Variants in ENO1 observed in about 807,000 individuals in gnomAD.
ENO1 encodes the protein enolase 1, also known as alpha-enolase.
In ENO1, 33 loss-of-function variants were observed where a neutral mutation model predicts 46.3. The observed-to-expected ratio is 0.71, with a 90% confidence interval of 0.54 to 0.95. The LOEUF is 0.95. Among genes scored for constraint, ENO1 ranks in the 40% least tolerant of loss-of-function variants. The pLI, the probability that ENO1 is intolerant of heterozygous loss-of-function variation, is 0.00. For missense variants in ENO1, 488 were observed against 553.3 expected (o/e 0.88, Z 1.18); for synonymous variants, 220 against 216.0 (o/e 1.02, Z -0.16).
chr1:8,865,908 T>C, intron 7 of ENO1: 1 of 327,432 alleles, frequency 3.1e-6, no homozygotes, highest in Non-Finnish European at 5.8e-6. Context: ...CGTTGAGAGC[T>C]CAGGCTCAGG....
intron 9 of ENO1, among the ~76,000 whole-genome samples, chr1:8,863,678 G>C (rs1642451327): frequency 6.6e-6 from 1 of 152,200 alleles, no homozygotes; most frequent in African/African-American, 2.4e-5. Context: ...CCGAGCTCAA[G>C]TGATCCTCCT....
chr1:8,872,801 A>G (rs571933141), intron 2 of ENO1, among the ~76,000 whole-genome samples: 2 of 152,334 alleles, frequency 1.3e-5, no homozygotes, highest in South Asian at 2.1e-4. Context: ...TTCTATGCCC[A>G]ACTGGAAACT....
Position 8,874,899 on chromosome 1 carries a change from G to A in ENO1, c.10C>T (p.Leu4Phe), listed in dbSNP as rs1642705075. The A allele has an allele frequency of 1.9e-6, 3 of 1,613,620 alleles. No individual in the cohort carries two copies. The highest frequency in any genetic ancestry group is 2.5e-6 in the Non-Finnish European group (3 of 1,179,776). ...AAGATCTCCCTGGCATGGATCTTGA[G>A]AATAGACATGGTGAACTTCTGTAGA... MSILKIHAREIFDS... is the reference protein window; with the variant it reads MSIFKIHAREIFDS... The change falls in exon 2 of 12, where the codon CTC (leucine) becomes TTC (phenylalanine). Residue 4 changes from leucine to phenylalanine, a missense_variant. Leu to Phe is a conservative substitution (Grantham distance 22, BLOSUM62 0). Transcript: ENST00000234590.
At chr1:8,865,960 C>T (rs1049015134) in intron 7 of ENO1, 108 of 337,300 alleles carry the variant, frequency 3.2e-4, no homozygotes, top group Admixed American at 3.2e-3. Context: ...GCAGGACAGA[C>T]GGACAGACAC....
chr1:8,861,782 T>TA (rs1351680308), intron 11 of ENO1, among the ~76,000 whole-genome samples: 1 of 148,582 alleles, frequency 6.7e-6, no homozygotes, highest in Non-Finnish European at 1.5e-5. Context: ...TTTTGTTTTT[T>TA]AAAAAATATT....
intron 3 of ENO1, chr1:8,870,776 C>G: frequency 7.1e-7 from 1 of 1,406,024 alleles, no homozygotes. Flanking sequence ...TTTGCAAGAC[C>G]ATGCACTGGA....
intron 8 of ENO1, 110 bp from the exon 9 acceptor site, chr1:8,864,202 C>A: frequency 8.3e-7 from 1 of 1,199,532 alleles, no homozygotes; most frequent in Non-Finnish European, 1.2e-6. Context: ...CTCACAATGC[C>A]CAAAAGCATA....
rs536726493 is a variant in ENO1, at chr1:8,869,347, G to A, written c.240+1105C>T. 1.3e-5 allele frequency among the ~76,000 whole-genome samples: 2 copies of A among 152,256 alleles called. 1 individual carries two copies. Among genetic ancestry groups the A allele is most frequent in the South Asian group, 4.1e-4 (2 of 4,828 alleles). ...AGACTGGCAGGGGGTGGTGCAGACAGAACGGTAACAAGACATTTTGTCTGG... is the reference window on the plus strand; with the variant it reads ...AGACTGGCAGGGGGTGGTGCAGACAAAACGGTAACAAGACATTTTGTCTGG... On this transcript the variant is annotated intron_variant, in intron 4 of 11. Transcript: ENST00000234590.
chr1:8,870,780 C>A, intron 3 of ENO1: 2 of 1,404,992 alleles, frequency 1.4e-6, no homozygotes, highest in Non-Finnish European at 1.8e-6. Context: ...CAAGACCATG[C>A]ACTGGAAACG....
Position 8,874,899 on chromosome 1 carries a change from G to C in ENO1, c.10C>G (p.Leu4Val). ...AAGATCTCCCTGGCATGGATCTTGA[G>C]AATAGACATGGTGAACTTCTGTAGA... MSI[L>V]KIHAREIFDS... The change falls in exon 2 of 12, where the codon CTC (leucine) becomes GTC (valine). Residue 4 changes from leucine (L) to valine (V), a missense_variant. Coordinates refer to ENST00000234590, the MANE Select transcript of ENO1 (RefSeq NM_001428.5). The C allele has an allele frequency of 1.9e-6, 3 of 1,613,738 alleles. No individual in the cohort carries two copies. The highest frequency in any genetic ancestry group is 2.5e-6 in the Non-Finnish European group (3 of 1,179,768).
At chr1:8,865,581 C>T (rs1008934373) in intron 7 of ENO1, 99 bp from the exon 8 acceptor site, 46 of 1,165,618 alleles carry the variant, frequency 3.9e-5, no homozygotes, top group Admixed American at 1.0e-4. Context: ...CAAAGATCAA[C>T]AGGTGTTCAG....
chr1:8,876,080 A>G (rs1642725883), intron 1 of ENO1: 1 of 152,200 alleles, frequency 6.6e-6, no homozygotes, highest in South Asian at 2.1e-4. Flanking sequence ...ACAAATACCA[A>G]TTCCTCAAAG....
chr1:8,861,599 TTC>T (rs1443443817), intron 11 of ENO1, among the ~76,000 whole-genome samples, 170 bp from the exon 12 acceptor site: 1 of 152,122 alleles, frequency 6.6e-6, no homozygotes, highest in African/African-American at 2.4e-5. Flanking sequence ...AAACTTGTGC[TTC>T]TCTGAGAAGC....
intron 2 of ENO1, among the ~76,000 whole-genome samples, chr1:8,872,370 T>C (rs1040910781): frequency 6.8e-6 from 1 of 146,650 alleles, no homozygotes; most frequent in Admixed American, 6.9e-5. Context: ...ACACAGGGCA[T>C]TGAAGACGTT....
At chr1:8,867,375 T>C in intron 5 of ENO1, 125 bp from the exon 6 acceptor site, 1 of 1,328,060 alleles carries the variant, frequency 7.5e-7, no homozygotes, top group East Asian at 2.4e-5. Context: ...ATTTCACTGT[T>C]ACTAGAAATA....
chr1:8,870,353 A>G, intron 4 of ENO1, 99 bp downstream of exon 4: 2 of 1,470,550 alleles, frequency 1.4e-6, no homozygotes, highest in Non-Finnish European at 1.9e-6. Flanking sequence ...AGGCTTCTAC[A>G]GCTCTCAGAA....
intron 5 of ENO1, 141 bp downstream of exon 5, chr1:8,867,845 TAA>T (rs1642555604): frequency 1.3e-6 from 1 of 796,188 alleles, no homozygotes; most frequent in East Asian, 2.6e-5. Context: ...TGTGATTTCT[TAA>T]GAGTAAAGCA....
chr1:8,872,125 T>C, intron 2 of ENO1, 139 bp from the exon 3 acceptor site: 1 of 675,030 alleles, frequency 1.5e-6, no homozygotes, highest in Non-Finnish European at 2.6e-6. Flanking sequence ...TTAAACGCTC[T>C]GGGCTGTTCT....
Position 8,862,704 on chromosome 1 carries a change from G to T in ENO1, c.1235+183C>A, listed in dbSNP as rs559405005. ...TGGTGGCGCTGCAGTGGGTGGGTAG[G>T]GGGAGTCTAGGCCTAACTCTGTCCT... is the stretch of plus-strand genomic sequence containing the variant. On this transcript the variant is annotated intron_variant, in intron 11 of 11. Coordinates refer to ENST00000234590, the MANE Select transcript of ENO1 (RefSeq NM_001428.5). Among the ~76,000 whole-genome samples, 20 of 152,214 alleles carry T rather than the reference G, an allele frequency of 1.3e-4. 1 individual carries two copies. Among genetic ancestry groups the T allele is most frequent in the Non-Finnish European group, 2.9e-4 (20 of 68,032 alleles).
Sources: gnomAD v4.1 joint callset for allele counts (sites outside exome capture counted in the v4.1 genomes callset) on GRCh38, gnomAD v4.1.1 for gene constraint, MANE v1.5 for transcripts, NCBI Gene and HGNC (gene_info 2026-07-23, HGNC 2026-07-21) for gene names.